The following DOK6 variants were observed in gnomAD, a reference collection of about 807,000 sequenced individuals.
DOK6 encodes the protein downstream of tyrosine kinase 6.
DOK6 carries 22 observed loss-of-function variants against 44.0 expected under a neutral mutation model. That is an observed-to-expected ratio of 0.50 (90% confidence interval 0.36 to 0.71). The LOEUF is 0.71. DOK6 is among the 30% of genes least tolerant of loss of function. The pLI is 0.00. For missense variants in DOK6, 340 were observed against 416.4 expected (o/e 0.82, Z 1.60); for synonymous variants, 166 against 145.5 (o/e 1.14, Z -1.01).
rs114399522 is a variant in DOK6 at position 69,642,322 on chromosome 18, G to T, written c.290-35412G>T. On this transcript the variant is annotated intron_variant, in intron 3 of 7. Coordinates refer to ENST00000382713, the MANE Select transcript of DOK6 (RefSeq NM_152721.6). ...TCTTCTTCCACAACTGACCTATAGC[G>T]ATTTTTATTTTATTTTATTTTATTT... Among the ~76,000 whole-genome samples, 455 of 152,090 alleles carry T rather than the reference G, an allele frequency of 3.0e-3. 1 individual carries two copies. Among genetic ancestry groups the T allele is most frequent in the African/African-American group, 0.01 (420 of 41,514 alleles).
chr18:69,414,512 A>T (rs1978320074), intron 1 of DOK6, among the ~76,000 whole-genome samples: 1 of 152,102 alleles, frequency 6.6e-6, no homozygotes, highest in African/African-American at 2.4e-5. Context: ...TAACATTCTT[A>T]AAATAATAAA....
chr18:69,674,332 G>GT (rs1329415747), intron 3 of DOK6, among the ~76,000 whole-genome samples: 16 of 152,276 alleles, frequency 1.1e-4, no homozygotes, highest in Admixed American at 1.0e-3. Flanking sequence ...TTGAGGTGAA[G>GT]TTTTAGGACT....
At chr18:69,823,816 C>T (rs1375011643) in intron 7 of DOK6, among the ~76,000 whole-genome samples, 1 of 151,980 alleles carries the variant, frequency 6.6e-6, no homozygotes, top group East Asian at 1.9e-4. Flanking sequence ...CTTCTATGAT[C>T]ATTTCATAGG....
At chr18:69,670,991 ACGCACACACG>A (rs897897120) in intron 3 of DOK6, among the ~76,000 whole-genome samples, 2 of 152,146 alleles carry the variant, frequency 1.3e-5, no homozygotes, top group African/African-American at 4.8e-5. Flanking sequence ...ACACACACAC[ACGCACACACG>A]CGCACACATA....
At chr18:69,688,626 G>T (rs1986201933) in intron 4 of DOK6, among the ~76,000 whole-genome samples, 1 of 152,152 alleles carries the variant, frequency 6.6e-6, no homozygotes, top group African/African-American at 2.4e-5. Flanking sequence ...GGGTTCAAGT[G>T]ATTCTCTTGC....
intron 4 of DOK6, among the ~76,000 whole-genome samples, chr18:69,692,518 A>C (rs1014323391): frequency 4.6e-5 from 7 of 152,254 alleles, no homozygotes; most frequent in African/African-American, 1.7e-4. Context: ...ATTTTGAAAC[A>C]AATTTGAAGC....
chr18:69,404,370 T>C (rs1916158067), intron 1 of DOK6, among the ~76,000 whole-genome samples: 1 of 152,178 alleles, frequency 6.6e-6, no homozygotes, highest in Non-Finnish European at 1.5e-5. Context: ...AAGTAAAATT[T>C]AGTAAGCAAG....
chr18:69,651,627 T>C (rs1985230077), intron 3 of DOK6, among the ~76,000 whole-genome samples: 1 of 151,876 alleles, frequency 6.6e-6, no homozygotes, highest in Non-Finnish European at 1.5e-5. Flanking sequence ...TAGCTAGGAT[T>C]ACAGACATGT....
chr18:69,629,414 T>G (rs1423302580), intron 3 of DOK6, among the ~76,000 whole-genome samples: 11 of 152,216 alleles, frequency 7.2e-5, no homozygotes, highest in African/African-American at 2.7e-4. Flanking sequence ...ATGTTGCACA[T>G]CCCACATATG....
At chr18:69,772,685 C>T (rs1979923629) in intron 7 of DOK6, among the ~76,000 whole-genome samples, 1 of 151,926 alleles carries the variant, frequency 6.6e-6, no homozygotes, top group Non-Finnish European at 1.5e-5. Context: ...TATCTTACAC[C>T]ATGCACAAAA....
At chr18:69,511,049 A>G (rs1981352399) in intron 1 of DOK6, among the ~76,000 whole-genome samples, 1 of 152,190 alleles carries the variant, frequency 6.6e-6, no homozygotes, top group Non-Finnish European at 1.5e-5. Flanking sequence ...AACAGAAGCA[A>G]TGAATTTTGA....
At chr18:69,771,635 G>A (rs1470484593) in intron 7 of DOK6, among the ~76,000 whole-genome samples, 1 of 151,562 alleles carries the variant, frequency 6.6e-6, no homozygotes, top group Non-Finnish European at 1.5e-5. Context: ...AAATCACTGT[G>A]GTCACCATCT....
intron 5 of DOK6, among the ~76,000 whole-genome samples, chr18:69,700,944 G>T (rs561800996): frequency 6.6e-6 from 1 of 152,148 alleles, no homozygotes; most frequent in Admixed American, 6.5e-5. Context: ...CATATCACTT[G>T]GTATAAATTT....
At chr18:69,765,992 C>A (rs1979701520) in intron 7 of DOK6, among the ~76,000 whole-genome samples, 2 of 151,998 alleles carry the variant, frequency 1.3e-5, no homozygotes, top group African/African-American at 4.8e-5. Context: ...CCAGTGTATA[C>A]AATAGCAAAG....
chr18:69,520,514 G>A (rs1164924372), intron 1 of DOK6, among the ~76,000 whole-genome samples: 3 of 151,814 alleles, frequency 2.0e-5, no homozygotes, highest in African/African-American at 4.8e-5. Flanking sequence ...GTCTAAAATC[G>A]AAAATGCTCC....
chr18:69,686,110 G>A (rs757814386), intron 4 of DOK6, among the ~76,000 whole-genome samples: 3 of 152,054 alleles, frequency 2.0e-5, no homozygotes, highest in Non-Finnish European at 4.4e-5. Context: ...GGCAGAGACA[G>A]AGGGAAAACC....
At chr18:69,687,056 A>G (rs1468710883) in intron 4 of DOK6, among the ~76,000 whole-genome samples, 1 of 152,212 alleles carries the variant, frequency 6.6e-6, no homozygotes, top group African/African-American at 2.4e-5. Context: ...TCATTTCACA[A>G]CTCATTTTAT....
chr18:69,558,638 GACAA>G (rs1330943801), intron 1 of DOK6, among the ~76,000 whole-genome samples: 1 of 151,962 alleles, frequency 6.6e-6, no homozygotes, highest in Non-Finnish European at 1.5e-5. Flanking sequence ...ACTTAATTAA[GACAA>G]ACAGAAATGA....
intron 1 of DOK6, among the ~76,000 whole-genome samples, chr18:69,435,025 GGGAAGGAA>G (rs71176965): frequency 0.053 from 3,794 of 71,694 alleles, 94 homozygotes; most frequent in Non-Finnish European, 0.059. Context: ...TAGGGAGGGA[GGGAAGGAA>G]GGAAGGAAGG....
Sources: gnomAD v4.1 joint callset for allele counts (sites outside exome capture counted in the v4.1 genomes callset) on GRCh38, gnomAD v4.1.1 for gene constraint, MANE v1.5 for transcripts, NCBI Gene and HGNC (gene_info 2026-07-23, HGNC 2026-07-21) for gene names.